The following KDM4B variants were observed in gnomAD, a reference collection of about 807,000 sequenced individuals.
The protein encoded by KDM4B is lysine-specific demethylase 4B.
A neutral mutation model predicts 125.2 loss-of-function variants in KDM4B; 32 were observed. The observed-to-expected ratio is 0.26, with a 90% confidence interval of 0.19 to 0.34. The LOEUF (loss-of-function observed/expected upper bound fraction) is 0.34, where lower values mean the gene tolerates loss of function less well. Ranked by LOEUF, KDM4B falls within the 10% of genes least tolerant of loss-of-function variation. The pLI, the probability that KDM4B is intolerant of heterozygous loss-of-function variation, is 1.00. For missense variants in KDM4B, 1,190 were observed against 1,577.7 expected (o/e 0.75, Z 4.16); for synonymous variants, 721 against 677.9 (o/e 1.06, Z -0.99).
At chr19:5,138,475 A>C (rs569593148) in intron 18 of KDM4B, 1 of 179,534 alleles carries the variant, frequency 5.6e-6, no homozygotes, top group Non-Finnish European at 1.2e-5. Context: ...CAACACGATG[A>C]GACCCCATCT....
At chr19:5,097,370 C>A (rs2038848497) in intron 9 of KDM4B, among the ~76,000 whole-genome samples, 1 of 152,198 alleles carries the variant, frequency 6.6e-6, no homozygotes, top group African/African-American at 2.4e-5. Context: ...CCTACCTCAG[C>A]CTCCCGGGTA....
intron 13 of KDM4B, 63 bp downstream of exon 13, chr19:5,132,070 G>C (rs538401622): frequency 1.0e-5 from 15 of 1,487,258 alleles, no homozygotes; most frequent in Admixed American, 2.4e-5. Flanking sequence ...TGCTGCTGGA[G>C]GGGGGGCCTG....
At chr19:5,086,811 C>T (rs939278071) in intron 9 of KDM4B, among the ~76,000 whole-genome samples, 2 of 152,256 alleles carry the variant, frequency 1.3e-5, no homozygotes, top group African/African-American at 4.8e-5. Flanking sequence ...CACAGATGTG[C>T]TGCCACCTGC....
intron 1 of KDM4B, among the ~76,000 whole-genome samples, chr19:5,003,929 G>C (rs8106479): frequency 0.31 from 47,384 of 152,044 alleles, 7,581 homozygotes; most frequent in Non-Finnish European, 0.34. Context: ...GGTCTGCCCC[G>C]TGGGTTGTTG....
intron 11 of KDM4B, among the ~76,000 whole-genome samples, chr19:5,129,321 A>T (rs2039503707): frequency 1.3e-5 from 2 of 151,648 alleles, no homozygotes; most frequent in African/African-American, 4.8e-5. Context: ...CTTGACCCTT[A>T]CTGGGGTCAG....
chr19:5,033,995 G>C (rs866485765), intron 3 of KDM4B, among the ~76,000 whole-genome samples: 1 of 152,076 alleles, frequency 6.6e-6, no homozygotes, highest in Non-Finnish European at 1.5e-5. Flanking sequence ...GCCAGGCGTG[G>C]TGTTGGTACA....
chr19:5,027,980 C>T lies in KDM4B; in HGVS notation c.-25-4886C>T, dbSNP rs149881347. Among the ~76,000 whole-genome samples, 789 of 152,176 alleles carry T rather than the reference C, an allele frequency of 5.2e-3. 8 individuals are homozygous for T. The highest frequency in any genetic ancestry group is 0.018 in the African/African-American group (759 of 41,520). ...CTATCATCACAATTTGATTTTTATT[C>T]ATTTACTTTTTAGAGACAGGGTCTT... On this transcript the variant is annotated intron_variant, in intron 2 of 22. Coordinates refer to ENST00000159111, the MANE Select transcript of KDM4B (RefSeq NM_015015.3).
intron 3 of KDM4B, 148 bp from the exon 4 acceptor site, chr19:5,039,688 A>C: frequency 1.3e-6 from 1 of 786,080 alleles, no homozygotes; most frequent in Non-Finnish European, 2.0e-6. Context: ...TGATAAGGCA[A>C]ATGGGGGGGT....
intron 21 of KDM4B, among the ~76,000 whole-genome samples, chr19:5,148,742 C>T (rs528151699): frequency 5.9e-5 from 9 of 152,304 alleles, no homozygotes; most frequent in African/African-American, 1.9e-4. Context: ...AGCCTGGCCA[C>T]GCCGGGGGTG....
At chr19:5,132,958 G>T (rs1306618669) in intron 13 of KDM4B, among the ~76,000 whole-genome samples, 1 of 152,172 alleles carries the variant, frequency 6.6e-6, no homozygotes, top group East Asian at 1.9e-4. Flanking sequence ...AGTCCACCAT[G>T]GGAGACCTGG....
rs10427035 is a variant in KDM4B at position 5,144,507 on chromosome 19, G to C, written c.2901+95G>C. 87 of 470,402 alleles carry C rather than the reference G, an allele frequency of 1.8e-4. No individual in the cohort carries two copies. In the East Asian group the frequency reaches 5.3e-3, roughly 29 times the overall value. 29.1% of individuals were successfully genotyped at this position (470,402 alleles called of 1,614,324 possible). A position where few individuals can be genotyped will look rare whatever the true frequency, so the allele number is the denominator to read the frequency against. ...ATCACGGTGAGCTGTGGGGGTGGGCGGGGGGAAGCTAGGAGTGGCCTGACT... is the reference window on the plus strand; with the variant it reads ...ATCACGGTGAGCTGTGGGGGTGGGCCGGGGGAAGCTAGGAGTGGCCTGACT... On this transcript the variant is annotated intron_variant, in intron 20 of 22. Coordinates refer to ENST00000159111, the MANE Select transcript of KDM4B (RefSeq NM_015015.3).
chr19:5,131,589 G>GCACAGGGGAGC (rs2039551251), intron 12 of KDM4B, 44 bp downstream of exon 12: 29 of 622,298 alleles, frequency 4.7e-5, no homozygotes, highest in South Asian at 1.7e-4. Context: ...GGCAGGTGGG[G>GCACAGGGGAGC]TGGGGCAGGG....
At chr19:5,086,765 G>A (rs1008002378) in intron 9 of KDM4B, among the ~76,000 whole-genome samples, 1 of 152,230 alleles carries the variant, frequency 6.6e-6, no homozygotes, top group Admixed American at 6.5e-5. Context: ...GGATGGGCCT[G>A]CAGCAGCTAC....
intron 3 of KDM4B, among the ~76,000 whole-genome samples, chr19:5,039,297 T>A (rs759393945): frequency 1.3e-5 from 2 of 152,054 alleles, no homozygotes; most frequent in Non-Finnish European, 2.9e-5. Flanking sequence ...TTAAAATTTT[T>A]TAAAAAAATT....
At chr19:5,089,383 G>A (rs2038615378) in intron 9 of KDM4B, among the ~76,000 whole-genome samples, 1 of 152,314 alleles carries the variant, frequency 6.6e-6, no homozygotes. Context: ...CTGTAGCCCC[G>A]TTTGTTGTAG....
intron 9 of KDM4B, among the ~76,000 whole-genome samples, chr19:5,086,703 G>A (rs768422785): frequency 9.9e-5 from 15 of 152,140 alleles, no homozygotes; most frequent in Non-Finnish European, 1.8e-4. Context: ...AAGCAGGTTG[G>A]CCCCCACCGC....
intron 11 of KDM4B, among the ~76,000 whole-genome samples, chr19:5,127,915 C>T (rs887318132): frequency 1.2e-4 from 18 of 151,890 alleles, no homozygotes; most frequent in Admixed American, 2.0e-4. Context: ...CTTAGAGAGG[C>T]GGGGACTCCC....
At chr19:5,023,371 G>A (rs952222287) in intron 2 of KDM4B, among the ~76,000 whole-genome samples, 2 of 152,280 alleles carry the variant, frequency 1.3e-5, no homozygotes, top group Non-Finnish European at 2.9e-5. Context: ...CTCGTGGGAC[G>A]TGGTGATGCG....
At chr19:4,977,709 G>A (rs2034496795) in intron 1 of KDM4B, among the ~76,000 whole-genome samples, 1 of 152,180 alleles carries the variant, frequency 6.6e-6, no homozygotes, top group African/African-American at 2.4e-5. Flanking sequence ...CTACCCACGG[G>A]TGCTGTGGAC....
Sources: allele counts gnomAD v4.1 joint callset (sites outside exome capture counted in the v4.1 genomes callset), GRCh38; gene constraint gnomAD v4.1.1; transcripts MANE v1.5; gene names NCBI Gene and HGNC (gene_info 2026-07-23, HGNC 2026-07-21).